Variants in KDM8 observed in about 807,000 individuals in gnomAD.
KDM8 encodes lysine demethylase 8.
KDM8 carries 35 observed loss-of-function variants against 46.9 expected under a neutral mutation model. The ratio of observed to expected loss-of-function variants is 0.75; its 90% confidence interval spans 0.57 to 0.99. KDM8 has a LOEUF of 0.99. Among genes scored for constraint, KDM8 ranks in the 50% least tolerant of loss-of-function variants. The pLI, the probability that KDM8 is intolerant of heterozygous loss-of-function variation, is 0.00. For synonymous variants in KDM8, 232 were observed against 227.7 expected, an observed-to-expected ratio of 1.02 and a Z score of -0.17; for missense variants, 475 against 537.0, an observed-to-expected ratio of 0.88 and a Z score of 1.14.
chr16:27,207,591 AT>A (rs1274293896), intron 1 of KDM8, among the ~76,000 whole-genome samples: 2 of 152,142 alleles, frequency 1.3e-5, no homozygotes, highest in Non-Finnish European at 2.9e-5. Flanking sequence ...CTATAGTTTT[AT>A]TTTTTGAAAC....
intron 6 of KDM8, among the ~76,000 whole-genome samples, chr16:27,219,957 A>G (rs1246776868): frequency 6.6e-6 from 1 of 152,228 alleles, no homozygotes; most frequent in Non-Finnish European, 1.5e-5. Flanking sequence ...GTTCACACCT[A>G]TAATCCCAGC....
chr16:27,216,474 T>G (rs1017319024), intron 5 of KDM8, among the ~76,000 whole-genome samples: 1 of 152,150 alleles, frequency 6.6e-6, no homozygotes, highest in Non-Finnish European at 1.5e-5. Flanking sequence ...AAGGCAGCCC[T>G]TGGCAGGATT....
chr16:27,204,002 G>A, intron 1 of KDM8: 1 of 1,098,272 alleles, frequency 9.1e-7, no homozygotes, highest in Non-Finnish European at 1.3e-6. Context: ...TTTATACTCT[G>A]CTATATGTGT....
chr16:27,218,894 G>A lies in KDM8; in HGVS notation c.844-67G>A, dbSNP rs201268742. 80 of 1,575,538 alleles carry A rather than the reference G, an allele frequency of 5.1e-5. No homozygotes were observed. The African/African-American group carries it at 6.1e-4, about 12-fold the overall frequency. On this transcript the variant is annotated intron_variant, in intron 5 of 7. Transcript: ENST00000286096. ...TATAGGTATGTGTTTCTGACTCTTC[G>A]TTGGCCTCCGGGCTGCGGTGTCCCC...
intron 1 of KDM8, among the ~76,000 whole-genome samples, chr16:27,209,479 G>A (rs940600710): frequency 5.3e-5 from 8 of 152,154 alleles, no homozygotes; most frequent in African/African-American, 1.2e-4. Flanking sequence ...CAATTGCCTC[G>A]GCCTCCCAAA....
chr16:27,210,262 A>G lies in KDM8; in HGVS notation c.139A>G (p.Thr47Ala). ...LGEKVERSVVTLLQRATELFY... is the reference protein window; with the variant it reads ...LGEKVERSVVALLQRATELFY... ...GGAGAAAGTGGAGAGGAGCGTGGTGACATTGTTGCAGCGAGCCACTGAGCT... is the reference window on the plus strand; with the variant it reads ...GGAGAAAGTGGAGAGGAGCGTGGTGGCATTGTTGCAGCGAGCCACTGAGCT... The change falls in exon 2 of 8, where the codon ACA (threonine) becomes GCA (alanine). Residue 47 changes from threonine to alanine, a missense_variant. By Grantham distance (58) the Thr-to-Ala change is moderately conservative (BLOSUM62 0). Transcript: ENST00000286096. The G allele has an allele frequency of 6.2e-7, 1 of 1,613,226 alleles. No individual in the cohort carries two copies. Among genetic ancestry groups the G allele is most frequent in the Non-Finnish European group, 8.5e-7 (1 of 1,180,036 alleles).
At chr16:27,204,011 G>A (rs529290593) in intron 1 of KDM8, 441 of 1,198,456 alleles carry the variant, frequency 3.7e-4, no homozygotes, top group Non-Finnish European at 4.7e-4. Flanking sequence ...TGCTATATGT[G>A]TGTCCGCTGC....
Position 27,210,518 on chromosome 16 carries a change from C to G in KDM8, c.395C>G (p.Ala132Gly). 1 of 1,556,476 alleles carries G rather than the reference C, an allele frequency of 6.4e-7. No homozygotes were observed. The highest frequency in any genetic ancestry group is 1.4e-5 in the African/African-American group (1 of 73,706). Reference protein sequence around the residue: ...VCDMGLLMGAAILGDILLKVA... With the variant: ...VCDMGLLMGAGILGDILLKVA... ...GACATGGGCCTGCTGATGGGGGCAG[C>G]CATCCTGGGGGACATCCTTCTTAAA... The change falls in exon 2 of 8, where the codon GCC (alanine) becomes GGC (glycine). Residue 132 changes from alanine (A) to glycine (G), a missense_variant. Coordinates refer to ENST00000286096, the MANE Select transcript of KDM8 (RefSeq NM_024773.3).
At chr16:27,208,441 G>T (rs953000210) in intron 1 of KDM8, among the ~76,000 whole-genome samples, 4 of 152,204 alleles carry the variant, frequency 2.6e-5, no homozygotes, top group Non-Finnish European at 5.9e-5. Flanking sequence ...CAGAGAACAG[G>T]TTTATAGCCC....
At chr16:27,205,074 G>T (rs2083414595) in intron 1 of KDM8, among the ~76,000 whole-genome samples, 1 of 152,128 alleles carries the variant, frequency 6.6e-6, no homozygotes, top group South Asian at 2.1e-4. Context: ...TGACAGGGCA[G>T]TGGCTTCCAA....
chr16:27,219,924 C>T (rs184579376), intron 6 of KDM8, among the ~76,000 whole-genome samples: 15 of 152,326 alleles, frequency 9.8e-5, no homozygotes, highest in Non-Finnish European at 8.8e-5. Context: ...GGAAGAAAAA[C>T]ATACCTTAGG....
At chr16:27,209,478 C>T (rs1419764437) in intron 1 of KDM8, among the ~76,000 whole-genome samples, 3 of 152,252 alleles carry the variant, frequency 2.0e-5, no homozygotes, top group Non-Finnish European at 2.9e-5. Flanking sequence ...CCAATTGCCT[C>T]GGCCTCCCAA....
In KDM8 at chr16:27,210,635, A is replaced by AT; in HGVS notation, c.498+16dup. 1 of 1,499,962 alleles carries AT rather than the reference A, an allele frequency of 6.7e-7. No individual in the cohort carries two copies. The allele number at this position is 1,499,962 out of a possible 1,614,324, so 92.9% of individuals were successfully genotyped here. On this transcript the variant is annotated intron_variant, in intron 2 of 7. Transcript: ENST00000286096. ...CCCTGCACAAAGGTATGTGGGGGAG[A>AT]TTCTCCCCAAGCACACTAGCCATCC...
intron 2 of KDM8, 111 bp downstream of exon 2, chr16:27,210,732 C>T: frequency 9.3e-7 from 1 of 1,072,988 alleles, no homozygotes; most frequent in East Asian, 2.7e-5. Context: ...TGCAACCCCT[C>T]TGGTGGAAAA....
At chr16:27,203,873 T>G (rs1037434937) in intron 1 of KDM8, 3 of 449,046 alleles carry the variant, frequency 6.7e-6, no homozygotes, top group Non-Finnish European at 8.0e-6. Flanking sequence ...CGCGTGCGTA[T>G]GCTCGTCTCT....
rs1243606897 is a variant in KDM8 at position 27,220,587 on chromosome 16, C to G, written c.1108C>G (p.Leu370Val). 2 of 1,614,156 alleles carry G rather than the reference C, an allele frequency of 1.2e-6. No individual in the cohort carries two copies. Among genetic ancestry groups the G allele is most frequent in the South Asian group, 1.1e-5 (1 of 91,076 alleles). Reference protein sequence around the residue: ...TSQVDVENPDLEKFPKFAKAP... With the variant: ...TSQVDVENPDVEKFPKFAKAP... ...TCAGGTTGACGTGGAGAATCCCGAC[C>G]TGGAAAAGTTCCCCAAGTTTGCCAA... The change falls in exon 8 of 8, where the codon CTG becomes GTG. Residue 370 changes from leucine to valine, a missense_variant. Transcript: ENST00000286096.
intron 2 of KDM8, chr16:27,211,093 A>G: frequency 2.2e-6 from 1 of 453,094 alleles, no homozygotes; most frequent in South Asian, 1.6e-5. Context: ...TTGACTTTGG[A>G]AATGGAACAG....
chr16:27,219,586 A>G (rs2083595386), intron 6 of KDM8, among the ~76,000 whole-genome samples: 1 of 152,180 alleles, frequency 6.6e-6, no homozygotes, highest in Admixed American at 6.5e-5. Context: ...TTCGCAGGCA[A>G]AGAGAGGTTT....
At chr16:27,213,874 T>C in intron 3 of KDM8, 123 bp downstream of exon 3, 1 of 932,226 alleles carries the variant, frequency 1.1e-6, no homozygotes, top group South Asian at 1.8e-5. Context: ...TAGCAGCCCT[T>C]GACTGATTGC....
Sources: allele counts gnomAD v4.1 joint callset (sites outside exome capture counted in the v4.1 genomes callset), GRCh38; gene constraint gnomAD v4.1.1; transcripts MANE v1.5; gene names NCBI Gene and HGNC (gene_info 2026-07-23, HGNC 2026-07-21).